Variants in KCNG3 observed in about 807,000 individuals in gnomAD.
The protein encoded by KCNG3 is potassium voltage-gated channel modifier subfamily G member 3, also known as voltage-gated potassium channel regulatory subunit KCNG3.
In KCNG3, 15 loss-of-function variants were observed where a neutral mutation model predicts 29.0. The ratio of observed to expected loss-of-function variants is 0.52; its 90% confidence interval spans 0.35 to 0.80. The LOEUF is 0.80. Among genes scored for constraint, KCNG3 ranks in the 30% least tolerant of loss-of-function variants. KCNG3 has a pLI of 0.01. For missense variants in KCNG3, 512 were observed against 605.7 expected, an observed-to-expected ratio of 0.85 and a Z score of 1.62; for synonymous variants, 322 against 248.9, an observed-to-expected ratio of 1.29 and a Z score of -2.76.
chr2:42,451,335 T>C (rs1454894647), intron 1 of KCNG3, among the ~76,000 whole-genome samples: 1 of 151,986 alleles, frequency 6.6e-6, no homozygotes, highest in Non-Finnish European at 1.5e-5. Flanking sequence ...CTCAGCACTT[T>C]GGGAGGCTGA....
intron 1 of KCNG3, among the ~76,000 whole-genome samples, chr2:42,467,345 T>C (rs1673165944): frequency 6.6e-6 from 1 of 151,974 alleles, no homozygotes; most frequent in Admixed American, 6.6e-5. Context: ...CCCAAATAAT[T>C]AAAAAAGCAG....
At chr2:42,447,363 G>C (rs1350427507) in intron 1 of KCNG3, among the ~76,000 whole-genome samples, 1 of 151,660 alleles carries the variant, frequency 6.6e-6, no homozygotes, top group Non-Finnish European at 1.5e-5. Context: ...TAATTGCCCT[G>C]CCTCATTTGG....
intron 1 of KCNG3, among the ~76,000 whole-genome samples, chr2:42,485,612 TTTTG>T (rs1673700942): frequency 6.6e-6 from 1 of 152,000 alleles, no homozygotes. Flanking sequence ...GCCTAGCTAA[TTTTG>T]TTTTTGTATT....
downstream of KCNG3, among the ~76,000 whole-genome samples, chr2:42,439,923 G>A (rs987311082): frequency 2.6e-5 from 4 of 152,180 alleles, no homozygotes; most frequent in South Asian, 2.1e-4. Context: ...GATTACAGGC[G>A]TGAGTCACCA....
the KCNG3 span, among the ~76,000 whole-genome samples, chr2:42,428,739 A>G: frequency 6.6e-6 from 1 of 152,230 alleles, no homozygotes; most frequent in Non-Finnish European, 1.5e-5. Context: ...CATACTAAGT[A>G]ATCAGAAAGA....
At chr2:42,463,772 T>G (rs1673077690) in intron 1 of KCNG3, 1 of 189,490 alleles carries the variant, frequency 5.3e-6, no homozygotes, top group Non-Finnish European at 1.1e-5. Context: ...GCGGTCAGTG[T>G]TTCATTTCTC....
At chr2:42,490,009 T>G (rs1004689431) in intron 1 of KCNG3, among the ~76,000 whole-genome samples, 18 of 152,362 alleles carry the variant, frequency 1.2e-4, no homozygotes, top group African/African-American at 4.3e-4. Flanking sequence ...CCACATGTAC[T>G]ACTTTATATG....
At chr2:42,451,204 CAAAAAAAAA>C (rs67651134) in intron 1 of KCNG3, among the ~76,000 whole-genome samples, 3 of 61,020 alleles carry the variant, frequency 4.9e-5, no homozygotes, top group Non-Finnish European at 8.2e-5. Context: ...GACTCCAACT[CAAAAAAAAA>C]AAAAAAAAAA....
At chr2:42,414,376 AGTT>A in the KCNG3 span, among the ~76,000 whole-genome samples, 1 of 152,128 alleles carries the variant, frequency 6.6e-6, no homozygotes, top group Admixed American at 6.5e-5. Flanking sequence ...AGTATTCTGA[AGTT>A]GTTATTTCAT....
At chr2:42,479,393 C>T (rs936863413) in intron 1 of KCNG3, among the ~76,000 whole-genome samples, 2 of 152,080 alleles carry the variant, frequency 1.3e-5, no homozygotes, top group African/African-American at 4.8e-5. Flanking sequence ...CCTATAATCC[C>T]AACACTTTGG....
Position 42,444,701 on chromosome 2 carries a change from G to C in KCNG3, c.666-122C>G. ...CAGTTACTTTTCCAGAAAACATAAAGAACAGACAACATTAGCAACATCATC... is the reference window on the plus strand; with the variant it reads ...CAGTTACTTTTCCAGAAAACATAAACAACAGACAACATTAGCAACATCATC... On this transcript the variant is annotated intron_variant, in intron 1 of 1. Coordinates refer to ENST00000306078, the MANE Select transcript of KCNG3 (RefSeq NM_133329.6). This position sits in a 1 kb window ranked among gnomAD's most constrained non-coding sequence, Gnocchi z 5.8. The C allele has an allele frequency of 1.1e-6, 1 of 873,426 alleles. No individual in the cohort carries two copies. The highest frequency in any genetic ancestry group is 1.7e-6 in the Non-Finnish European group (1 of 574,542). The allele number at this position is 873,426 out of a possible 1,614,324, so 54.1% of individuals were successfully genotyped here.
the KCNG3 span, among the ~76,000 whole-genome samples, chr2:42,397,245 A>T: frequency 2.4e-4 from 35 of 143,598 alleles, no homozygotes; most frequent in Non-Finnish European, 3.3e-4. Flanking sequence ...ACTCCATCTC[A>T]AAAAAAAAAA....
At chr2:42,407,551 G>A in the KCNG3 span, among the ~76,000 whole-genome samples, 1 of 152,164 alleles carries the variant, frequency 6.6e-6, no homozygotes, top group Non-Finnish European at 1.5e-5. Context: ...GAATTGGTGG[G>A]GTGGGAGCTC....
chr2:42,413,296 C>T, the KCNG3 span, among the ~76,000 whole-genome samples: 7 of 152,192 alleles, frequency 4.6e-5, no homozygotes, highest in African/African-American at 1.4e-4. Context: ...AGGAGTGTCC[C>T]TCATAAATAG....
chr2:42,407,511 CCAA>C, the KCNG3 span, among the ~76,000 whole-genome samples: 6 of 152,302 alleles, frequency 3.9e-5, no homozygotes, highest in African/African-American at 9.6e-5. Context: ...CCCTGTGGAG[CCAA>C]CAACAAGTGG....
At chr2:42,398,225 A>G in the KCNG3 span, among the ~76,000 whole-genome samples, 5 of 27,824 alleles carry the variant, frequency 1.8e-4, no homozygotes, top group Non-Finnish European at 2.7e-4. Context: ...TCTGTCTCAA[A>G]AATAAATAAA....
At chr2:42,433,876 G>A in the KCNG3 span, among the ~76,000 whole-genome samples, 1 of 152,164 alleles carries the variant, frequency 6.6e-6, no homozygotes, top group Non-Finnish European at 1.5e-5. Flanking sequence ...AGTATTCCAG[G>A]CTCTCTGGCC....
chr2:42,487,184 A>ATT (rs1157231291), intron 1 of KCNG3, among the ~76,000 whole-genome samples: 1 of 151,026 alleles, frequency 6.6e-6, no homozygotes, highest in Non-Finnish European at 1.5e-5. Flanking sequence ...AGAATTCACA[A>ATT]TTTTTTTTAA....
intron 1 of KCNG3, among the ~76,000 whole-genome samples, chr2:42,445,991 T>C (rs1438314466): frequency 6.6e-6 from 1 of 151,698 alleles, no homozygotes; most frequent in African/African-American, 2.4e-5. Context: ...CCTCCCGAAG[T>C]GTCGGGATTA....
Sources: gnomAD v4.1 joint callset for allele counts (sites outside exome capture counted in the v4.1 genomes callset) on GRCh38, gnomAD v4.1.1 for gene constraint, Gnocchi (gnomAD v3.1) non-coding constraint, MANE v1.5 for transcripts, NCBI Gene and HGNC (gene_info 2026-07-23, HGNC 2026-07-21) for gene names.